The following NIN variants were observed in gnomAD, a reference collection of about 807,000 sequenced individuals.
The protein encoded by NIN is glycogen synthase kinase 3 beta-interacting protein.
NIN carries 137 observed loss-of-function variants against 257.6 expected under a neutral mutation model. That is an observed-to-expected ratio of 0.53 (90% CI 0.46 to 0.61). NIN has a LOEUF of 0.61. Among genes scored for constraint, NIN ranks in the 20% least tolerant of loss-of-function variants. The pLI is 0.00. For missense variants in NIN, 2,439 were observed against 2,501.2 expected (o/e 0.98, Z 0.53); for synonymous variants, 918 against 919.8 (o/e 1.00, Z 0.04).
In NIN at chr14:50,771,402, G is replaced by A. The variant is rs1023955682; in HGVS notation, c.1048C>T (p.Leu350Phe). The A allele has an allele frequency of 5.0e-6, 8 of 1,614,162 alleles. No individual in the cohort carries two copies. The East Asian group carries it at 1.8e-4, about 36-fold the overall frequency. Residue 350 changes from leucine (L) to phenylalanine (F), a missense_variant, in exon 10 of 31, where the codon CTT (leucine) becomes TTT (phenylalanine). Physicochemically the swap from Leu to Phe is conservative, Grantham distance 22 (BLOSUM62 0). Transcript: ENST00000530997. ...TGAATGCTGTTCTTGGTAACCAAAA[G>A]TTCATTTTCAAGGGCCAGTGTTAAT... ...TELTLALENE[L>F]LVTKNSIHQA...
In NIN at chr14:50,743,520, A is replaced by G; in HGVS notation, c.5197T>C (p.Ser1733Pro). ...GCAATTCTATGCTCTAAAAGACTTG[A>G]TTTTGCCAACTGTTTCAGGAAGGGA... Reference protein sequence around the residue: ...LNSCVDKLAKSSLLEHRIATM... With the variant: ...LNSCVDKLAKPSLLEHRIATM... Residue 1733 changes from serine (S) to proline (P), a missense_variant, in exon 24 of 31, where the codon TCA (serine) becomes CCA (proline). Around this residue, in one of 3 missense-constraint regions of NIN, gnomAD observed 2,043 missense variants for 2,050.2 expected, o/e 1.00. Transcript: ENST00000530997. 6.2e-7 allele frequency: 1 copy of G among 1,611,698 alleles called. No individual in the cohort carries two copies. Among genetic ancestry groups the G allele is most frequent in the South Asian group, 1.1e-5 (1 of 91,034 alleles).
At position 50,729,511 on chromosome 14, in the gene NIN, A is replaced by G; in HGVS notation, c.6078+12T>C. 1 of 1,609,574 alleles carries G rather than the reference A, an allele frequency of 6.2e-7. No individual in the cohort carries two copies. The highest frequency in any genetic ancestry group is 8.5e-7 in the Non-Finnish European group (1 of 1,177,210). ...TAACAGGTGATCTACTAGAGTAGAG[A>G]GAGCTTCATACCTGTGGTGTGTTGG... On this transcript the variant is annotated intron_variant, in intron 29 of 30. Coordinates refer to ENST00000530997, the MANE Select transcript of NIN (RefSeq NM_020921.4).
At chr14:50,816,800 G>GAGA (rs2044919610) in intron 3 of NIN, among the ~76,000 whole-genome samples, 1 of 152,162 alleles carries the variant, frequency 6.6e-6, no homozygotes, top group African/African-American at 2.4e-5. Flanking sequence ...GTCGGTAGAA[G>GAGA]AGAATGGCCA....
At chr14:50,734,964 G>A (rs185898231) in intron 28 of NIN, among the ~76,000 whole-genome samples, 42 of 152,122 alleles carry the variant, frequency 2.8e-4, no homozygotes, top group Admixed American at 1.7e-3. Context: ...GGGATTACAG[G>A]TATAAGCCAC....
At chr14:50,793,000 C>A (rs769143975) in intron 4 of NIN, 119 bp from the exon 5 acceptor site, 11 of 1,010,352 alleles carry the variant, frequency 1.1e-5, no homozygotes, top group African/African-American at 1.6e-5. Context: ...CCACTGTTTG[C>A]CAATTGTGGT....
chr14:50,732,526 G>C (rs768935043), intron 28 of NIN, among the ~76,000 whole-genome samples: 4 of 152,140 alleles, frequency 2.6e-5, no homozygotes, highest in Non-Finnish European at 5.9e-5. Context: ...AGTGGTAATG[G>C]TTGTAGGATG....
At chr14:50,732,142 G>T (rs111376063) in intron 28 of NIN, among the ~76,000 whole-genome samples, 49 of 152,214 alleles carry the variant, frequency 3.2e-4, no homozygotes, top group African/African-American at 8.9e-4. Context: ...TTACAGTGGG[G>T]GGATGTGTTA....
At chr14:50,750,250 T>C (rs1487063971) in intron 21 of NIN, among the ~76,000 whole-genome samples, 2 of 152,186 alleles carry the variant, frequency 1.3e-5, no homozygotes, top group African/African-American at 4.8e-5. Flanking sequence ...GAATGGTGCT[T>C]AGTAACCAAG....
intron 15 of NIN, among the ~76,000 whole-genome samples, chr14:50,762,209 T>G (rs2042301044): frequency 6.6e-6 from 1 of 152,172 alleles, no homozygotes; most frequent in Non-Finnish European, 1.5e-5. Flanking sequence ...AAATTGTTGC[T>G]TATAGGTAGC....
chr14:50,810,786 G>A (rs554339359), intron 3 of NIN, among the ~76,000 whole-genome samples: 2 of 151,642 alleles, frequency 1.3e-5, no homozygotes, highest in Non-Finnish European at 2.9e-5. Flanking sequence ...TCAGCCTCCC[G>A]AGTAGCTGGG....
intron 4 of NIN, among the ~76,000 whole-genome samples, chr14:50,797,587 C>T (rs1595889711): frequency 1.3e-5 from 2 of 152,190 alleles, no homozygotes; most frequent in Non-Finnish European, 2.9e-5. Context: ...ATGAGCCCCA[C>T]CCTGCCCCAT....
chr14:50,826,428 T>C (rs2045461812), intron 2 of NIN, among the ~76,000 whole-genome samples: 1 of 152,178 alleles, frequency 6.6e-6, no homozygotes, highest in South Asian at 2.1e-4. Context: ...TAACCACCCA[T>C]AATGACAATT....
chr14:50,806,752 GTTC>G lies in NIN; in HGVS notation c.247_249del (p.Glu83del). 3 of 1,582,740 alleles carry G rather than the reference GTTC, an allele frequency of 1.9e-6. No homozygotes were observed. The highest frequency in any genetic ancestry group is 2.6e-6 in the Non-Finnish European group (3 of 1,153,508). On this transcript the variant is annotated inframe_deletion, in exon 4 of 31. Coordinates refer to ENST00000530997, the MANE Select transcript of NIN (RefSeq NM_020921.4). ...GTGACCTTACCTGGTTCTTGAAAGT[GTTC>G]TTCATTTGACAGAGTTCTGGACAAG...
Position 50,745,903 on chromosome 14 carries a change from T to C in NIN, c.5065-1538A>G, listed in dbSNP as rs142621048. On this transcript the variant is annotated intron_variant, in intron 22 of 30. Transcript: ENST00000530997. Reference sequence around the variant, plus strand: ...TGCCTTCTAGGTCCACGTTGTATAATAGCAATGATGGGCTGACGCTACCCT... The same window carrying C: ...TGCCTTCTAGGTCCACGTTGTATAACAGCAATGATGGGCTGACGCTACCCT... Among the ~76,000 whole-genome samples the C allele has an allele frequency of 2.0e-3, 297 of 152,234 alleles. 4 individuals carry two copies. The highest frequency in any genetic ancestry group is 0.012 in the South Asian group (56 of 4,818).
At chr14:50,827,680 C>G (rs1256784667) in intron 2 of NIN, among the ~76,000 whole-genome samples, 1 of 147,070 alleles carries the variant, frequency 6.8e-6, no homozygotes, top group Non-Finnish European at 1.5e-5. Flanking sequence ...TTGCTTGAAC[C>G]TGGGAGGCAG....
chr14:50,790,120 T>C (rs2043526090), intron 5 of NIN, among the ~76,000 whole-genome samples: 1 of 152,172 alleles, frequency 6.6e-6, no homozygotes, highest in Non-Finnish European at 1.5e-5. Context: ...AGTGGCACGA[T>C]CTCGGCTCAC....
chr14:50,728,155 G>C (rs1025490623), intron 29 of NIN, among the ~76,000 whole-genome samples: 8 of 152,020 alleles, frequency 5.3e-5, no homozygotes, highest in Non-Finnish European at 1.2e-4. Flanking sequence ...GGAAACAGCA[G>C]GCTTTGAAAA....
chr14:50,738,857 G>A lies in NIN; in HGVS notation c.5628+451C>T, dbSNP rs377202335. On this transcript the variant is annotated intron_variant, in intron 26 of 30. Coordinates refer to ENST00000530997, the MANE Select transcript of NIN (RefSeq NM_020921.4). ...TATCATTGGGAGACTATGCAGCAGA[G>A]GTAAGGAATTCAAGCACCAAGTTGG... is the stretch of plus-strand genomic sequence containing the variant. Among the ~76,000 whole-genome samples, 4 of 152,158 alleles carry A rather than the reference G, an allele frequency of 2.6e-5. No homozygotes were observed. The East Asian group carries it at 5.8e-4, about 22-fold the overall frequency.
intron 28 of NIN, among the ~76,000 whole-genome samples, chr14:50,730,658 A>G (rs1458558132): frequency 6.6e-6 from 1 of 152,236 alleles, no homozygotes; most frequent in African/African-American, 2.4e-5. Flanking sequence ...TTGTAGATTC[A>G]GAAAACCACT....
Sources: allele counts gnomAD v4.1 joint callset (sites outside exome capture counted in the v4.1 genomes callset), GRCh38; gene constraint gnomAD v4.1.1; regional missense constraint gnomAD v4.1.1; transcripts MANE v1.5; gene names NCBI Gene and HGNC (gene_info 2026-07-23, HGNC 2026-07-21).